The following PRR16 variants were observed in gnomAD, a reference collection of about 807,000 sequenced individuals.
PRR16 encodes the protein protein Largen.
Under a neutral mutation model 18.2 loss-of-function variants are expected in PRR16, and 6 were observed. The observed-to-expected ratio is 0.33, with a 90% confidence interval of 0.18 to 0.65. The LOEUF (loss-of-function observed/expected upper bound fraction) is 0.65. Ranked by LOEUF, PRR16 falls within the 30% of genes least tolerant of loss-of-function variation. The probability of loss-of-function intolerance (pLI) is 0.74; values close to 1 mark genes in which losing one functional copy is unlikely to be tolerated. For missense variants in PRR16, 412 were observed against 376.6 expected (o/e 1.09, Z -0.78); for synonymous variants, 151 against 147.8 (o/e 1.02, Z -0.16).
chr5:120,597,704 A>G (rs1753857845), intron 1 of PRR16, among the ~76,000 whole-genome samples: 1 of 151,720 alleles, frequency 6.6e-6, no homozygotes, highest in African/African-American at 2.4e-5. Flanking sequence ...AATTTCTGTA[A>G]CTATAGTGTC....
chr5:120,491,453 CCT>C (rs141418060), intron 1 of PRR16, among the ~76,000 whole-genome samples: 9 of 126,030 alleles, frequency 7.1e-5, no homozygotes, highest in Non-Finnish European at 9.7e-5. Context: ...CCTTTCCTTT[CCT>C]TTCCTTTCCT....
At chr5:120,764,636 A>G in the PRR16 span, among the ~76,000 whole-genome samples, 1 of 151,958 alleles carries the variant, frequency 6.6e-6, no homozygotes. Context: ...TGATTAATCA[A>G]GGAAAAGATT....
At chr5:120,535,586 G>T (rs1262260003) in intron 1 of PRR16, among the ~76,000 whole-genome samples, 4 of 152,150 alleles carry the variant, frequency 2.6e-5, no homozygotes, top group Non-Finnish European at 5.9e-5. Context: ...GATCGCTTGA[G>T]CTCGAGAGTT....
chr5:120,524,454 G>A (rs982187071), intron 1 of PRR16, among the ~76,000 whole-genome samples: 3 of 151,946 alleles, frequency 2.0e-5, no homozygotes, highest in Admixed American at 2.0e-4. Flanking sequence ...TTTTTTCACT[G>A]ATATCCAAAC....
At chr5:120,652,558 C>G (rs1755828556) in intron 1 of PRR16, among the ~76,000 whole-genome samples, 1 of 151,940 alleles carries the variant, frequency 6.6e-6, no homozygotes, top group African/African-American at 2.4e-5. Context: ...CTGTGGTCTT[C>G]TCAAAAACAC....
chr5:120,762,977 C>T, the PRR16 span, among the ~76,000 whole-genome samples: 1 of 152,070 alleles, frequency 6.6e-6, no homozygotes, highest in Non-Finnish European at 1.5e-5. Context: ...TGTCATTTTT[C>T]TGCATATGAA....
chr5:120,784,719 T>A, the PRR16 span, among the ~76,000 whole-genome samples: 1 of 152,196 alleles, frequency 6.6e-6, no homozygotes, highest in African/African-American at 2.4e-5. Flanking sequence ...CTTTGAAACT[T>A]TTTTCCCAGG....
Position 120,466,444 on chromosome 5 carries a change from A to T in PRR16, c.159+1799A>T, listed in dbSNP as rs370774318. On this transcript the variant is annotated intron_variant, in intron 1 of 1. Transcript: ENST00000407149. ...CTGAGACTAAAAGAAAGGTAGTTAA[A>T]CAGAATTCTGCATCTGTGAGCCATA... is the stretch of plus-strand genomic sequence containing the variant. Among the ~76,000 whole-genome samples, 19 of 152,308 alleles carry T rather than the reference A, an allele frequency of 1.2e-4. No homozygotes were observed. In the East Asian group the frequency reaches 1.9e-3, roughly 15 times the overall value.
the PRR16 span, among the ~76,000 whole-genome samples, chr5:120,703,372 A>G: frequency 6.6e-5 from 10 of 152,348 alleles, no homozygotes; most frequent in East Asian, 1.4e-3. Flanking sequence ...TGCAAGTCAC[A>G]GGGGATGCGA....
chr5:120,743,629 A>G, the PRR16 span, among the ~76,000 whole-genome samples: 3 of 152,158 alleles, frequency 2.0e-5, no homozygotes, highest in African/African-American at 4.8e-5. Context: ...ATAGTTTTGT[A>G]GCAGATGTTT....
chr5:120,492,091 C>CT (rs751508483), intron 1 of PRR16, among the ~76,000 whole-genome samples: 32,485 of 135,738 alleles, frequency 0.24, 4,225 homozygotes, highest in African/African-American at 0.27. Flanking sequence ...TGTTTGTTTT[C>CT]TTTTTTTTTT....
intron 1 of PRR16, among the ~76,000 whole-genome samples, chr5:120,547,567 T>C (rs1190133715): frequency 6.6e-6 from 1 of 152,008 alleles, no homozygotes; most frequent in Admixed American, 6.6e-5. Context: ...TCATTTTTTT[T>C]TTTTACAGTA....
intron 1 of PRR16, among the ~76,000 whole-genome samples, chr5:120,646,534 A>T (rs546539555): frequency 6.6e-6 from 1 of 152,034 alleles, no homozygotes; most frequent in Non-Finnish European, 1.5e-5. Context: ...CTACGCTGGG[A>T]TTACAGTTCA....
chr5:120,720,202 G>T, the PRR16 span, among the ~76,000 whole-genome samples: 1 of 152,036 alleles, frequency 6.6e-6, no homozygotes, highest in Middle Eastern at 3.4e-3. Flanking sequence ...TGTGAATGTG[G>T]CACACCAAAC....
intron 1 of PRR16, among the ~76,000 whole-genome samples, chr5:120,563,341 C>T (rs1378044212): frequency 1.3e-5 from 2 of 152,140 alleles, no homozygotes; most frequent in Non-Finnish European, 2.9e-5. Context: ...GGCCAGATCC[C>T]CCAGGTCCTA....
intron 1 of PRR16, among the ~76,000 whole-genome samples, chr5:120,577,111 A>G (rs972869031): frequency 6.6e-6 from 1 of 152,046 alleles, no homozygotes; most frequent in South Asian, 2.1e-4. Context: ...TGTGTGAATA[A>G]TTGCATATTC....
At chr5:120,793,250 A>G in the PRR16 span, among the ~76,000 whole-genome samples, 6 of 152,144 alleles carry the variant, frequency 3.9e-5, no homozygotes, top group East Asian at 1.2e-3. Context: ...GTTCCTTGTT[A>G]ATGGAATGTG....
At chr5:120,525,862 A>G (rs915821787) in intron 1 of PRR16, among the ~76,000 whole-genome samples, 7 of 152,314 alleles carry the variant, frequency 4.6e-5, no homozygotes, top group African/African-American at 1.7e-4. Context: ...ATGAGGCAAC[A>G]AATTGATTAT....
chr5:120,754,860 T>C, the PRR16 span, among the ~76,000 whole-genome samples: 1 of 151,174 alleles, frequency 6.6e-6, no homozygotes, highest in Non-Finnish European at 1.5e-5. Context: ...CGTAGTTCAA[T>C]AGTCAGAAAC....
Sources: allele counts gnomAD v4.1 joint callset (sites outside exome capture counted in the v4.1 genomes callset), GRCh38; gene constraint gnomAD v4.1.1; transcripts MANE v1.5; gene names NCBI Gene and HGNC (gene_info 2026-07-23, HGNC 2026-07-21).